The following PCDH9 variants were observed in gnomAD, a reference collection of about 807,000 sequenced individuals.
The protein encoded by PCDH9 is protocadherin-9.
A neutral mutation model predicts 70.6 loss-of-function variants in PCDH9; 24 were observed. That is an observed-to-expected ratio of 0.34 (90% CI 0.25 to 0.48). The LOEUF is 0.48. Ranked by LOEUF, PCDH9 falls within the 20% of genes least tolerant of loss-of-function variation. The pLI is 0.99. For synonymous variants in PCDH9, 562 were observed against 558.5 expected (o/e 1.01, Z -0.09); for missense variants, 1,281 against 1,503.6 (o/e 0.85, Z 2.45).
At chr13:66,925,056 T>C (rs1045540367) in intron 2 of PCDH9, among the ~76,000 whole-genome samples, 3 of 151,772 alleles carry the variant, frequency 2.0e-5, no homozygotes, top group South Asian at 2.1e-4. Context: ...AGAAAGAATA[T>C]AAATTACAAA....
chr13:66,519,541 G>C (rs1959893355), intron 4 of PCDH9, among the ~76,000 whole-genome samples: 1 of 151,972 alleles, frequency 6.6e-6, no homozygotes, highest in Non-Finnish European at 1.5e-5. Context: ...AAAAATAAAT[G>C]AGTTAGTCTA....
At chr13:66,608,253 T>A (rs370845508) in intron 4 of PCDH9, among the ~76,000 whole-genome samples, 13 of 152,244 alleles carry the variant, frequency 8.5e-5, no homozygotes, top group African/African-American at 3.1e-4. Context: ...TTACACATTA[T>A]CATAGATTTA....
intron 3 of PCDH9, among the ~76,000 whole-genome samples, chr13:66,817,357 T>C (rs1444688969): frequency 1.3e-5 from 2 of 152,168 alleles, no homozygotes. Context: ...TTAATTTTTA[T>C]AAAATGTGTT....
At chr13:66,632,458 T>A (rs960380145) in intron 3 of PCDH9, among the ~76,000 whole-genome samples, 1 of 152,246 alleles carries the variant, frequency 6.6e-6, no homozygotes, top group Non-Finnish European at 1.5e-5. Context: ...ACACTGGTAG[T>A]AGAATAGAAT....
At position 66,688,954 on chromosome 13, in the gene PCDH9, C is replaced by T. The variant is rs545925457; in HGVS notation, c.3139-57543G>A. 3.3e-5 allele frequency among the ~76,000 whole-genome samples: 5 copies of T among 152,106 alleles called. No individual in the cohort carries two copies. The South Asian group carries it at 8.3e-4, about 25-fold the overall frequency. On this transcript the variant is annotated intron_variant, in intron 3 of 4. Coordinates refer to ENST00000377865, the MANE Select transcript of PCDH9 (RefSeq NM_203487.3). ...TAGGAAAATATATTACCTATGGTAG[C>T]TGTGTAGGAAAAATCTATGGTCATT... is the stretch of plus-strand genomic sequence containing the variant.
At chr13:66,353,476 G>A (rs1956326628) in intron 4 of PCDH9, among the ~76,000 whole-genome samples, 1 of 152,086 alleles carries the variant, frequency 6.6e-6, no homozygotes, top group African/African-American at 2.4e-5. Flanking sequence ...TTGTGTTTAA[G>A]CATCACTTTT....
chr13:67,004,648 T>G (rs1247559852), intron 2 of PCDH9, among the ~76,000 whole-genome samples: 1 of 152,166 alleles, frequency 6.6e-6, no homozygotes, highest in African/African-American at 2.4e-5. Context: ...TTTAAAAATT[T>G]GGCAGTAAGC....
intron 2 of PCDH9, among the ~76,000 whole-genome samples, chr13:67,056,740 T>C (rs1461369421): frequency 6.6e-6 from 1 of 152,124 alleles, no homozygotes; most frequent in East Asian, 1.9e-4. Flanking sequence ...TGGGATAATA[T>C]ATGTAAAGCA....
chr13:67,171,438 G>T (rs1247431073), intron 2 of PCDH9, among the ~76,000 whole-genome samples: 2 of 152,088 alleles, frequency 1.3e-5, no homozygotes, highest in African/African-American at 4.8e-5. Flanking sequence ...ATCACATTCT[G>T]TCAATATTGC....
intron 3 of PCDH9, among the ~76,000 whole-genome samples, chr13:66,726,131 G>T (rs2079002431): frequency 6.6e-6 from 1 of 152,168 alleles, no homozygotes; most frequent in Non-Finnish European, 1.5e-5. Context: ...AAAAGGAAGA[G>T]AGAGAGAGAA....
chr13:66,441,007 G>A (rs1957964356), intron 4 of PCDH9, among the ~76,000 whole-genome samples: 1 of 152,126 alleles, frequency 6.6e-6, no homozygotes, highest in African/African-American at 2.4e-5. Context: ...CATTCACCAT[G>A]ATCGTTCTGT....
intron 3 of PCDH9, among the ~76,000 whole-genome samples, chr13:66,698,430 T>A (rs752875315): frequency 1.3e-5 from 2 of 152,178 alleles, no homozygotes; most frequent in South Asian, 2.1e-4. Context: ...AAGCAGTTCA[T>A]CCCTTTTATT....
At chr13:66,613,073 G>A (rs2077312259) in intron 4 of PCDH9, among the ~76,000 whole-genome samples, 1 of 152,102 alleles carries the variant, frequency 6.6e-6, no homozygotes, top group African/African-American at 2.4e-5. Flanking sequence ...GGGAAACCAT[G>A]CCTCCACCCC....
At chr13:67,206,913 C>T (rs2089361956) in intron 2 of PCDH9, 1 of 152,258 alleles carries the variant, frequency 6.6e-6, no homozygotes, top group Middle Eastern at 3.4e-3. Context: ...TAAGAATAAT[C>T]ACAAAACTCT....
chr13:66,910,636 C>CT (rs368700875), intron 2 of PCDH9, among the ~76,000 whole-genome samples: 11 of 151,602 alleles, frequency 7.3e-5, no homozygotes, highest in Admixed American at 5.3e-4. Context: ...AGATAAAACA[C>CT]TTTTTTTTTC....
At chr13:66,306,134 AG>A (rs1373489738) in intron 4 of PCDH9, 2 of 152,038 alleles carry the variant, frequency 1.3e-5, no homozygotes, top group Admixed American at 6.6e-5. Context: ...TTTCAAATGC[AG>A]AGAGTCATCA....
At chr13:66,673,083 G>A (rs537306910) in intron 3 of PCDH9, among the ~76,000 whole-genome samples, 1 of 152,216 alleles carries the variant, frequency 6.6e-6, no homozygotes, top group South Asian at 2.1e-4. Context: ...AAGGGGCCAG[G>A]GCAAAATGAT....
At chr13:66,344,719 T>C (rs1004065398) in intron 4 of PCDH9, among the ~76,000 whole-genome samples, 7 of 152,186 alleles carry the variant, frequency 4.6e-5, no homozygotes, top group Non-Finnish European at 1.0e-4. Flanking sequence ...ATTTCTGAGA[T>C]ACTAAATATT....
chr13:66,840,361 T>C (rs1456974328), intron 3 of PCDH9, among the ~76,000 whole-genome samples: 1 of 152,154 alleles, frequency 6.6e-6, no homozygotes, highest in African/African-American at 2.4e-5. Flanking sequence ...ATTTGGAAAA[T>C]AAAAATATAG....
Sources: gnomAD v4.1 joint callset for allele counts (sites outside exome capture counted in the v4.1 genomes callset) on GRCh38, gnomAD v4.1.1 for gene constraint, MANE v1.5 for transcripts, NCBI Gene and HGNC (gene_info 2026-07-23, HGNC 2026-07-21) for gene names.